Variants in SULT1B1 observed in about 807,000 individuals in gnomAD.
SULT1B1 encodes sulfotransferase 1B1.
Under a neutral mutation model 34.6 loss-of-function variants are expected in SULT1B1, and 28 were observed. The ratio of observed to expected loss-of-function variants is 0.81; its 90% CI spans 0.60 to 1.11. The LOEUF is 1.11. Among genes scored for constraint, SULT1B1 ranks in the 50% least tolerant of loss-of-function variants. The pLI is 0.00. For missense variants in SULT1B1, 374 were observed against 352.2 expected, an observed-to-expected ratio of 1.06 and a Z score of -0.50; for synonymous variants, 147 against 110.2, an observed-to-expected ratio of 1.33 and a Z score of -2.09.
At chr4:69,755,824 T>C (rs187975768) in intron 1 of SULT1B1, among the ~76,000 whole-genome samples, 163 of 152,292 alleles carry the variant, frequency 1.1e-3, no homozygotes, top group Non-Finnish European at 1.5e-3. Flanking sequence ...ATTGTGAGTT[T>C]ACGGTTTCCA....
At chr4:69,747,227 C>T (rs764979586) in intron 4 of SULT1B1, among the ~76,000 whole-genome samples, 12 of 152,306 alleles carry the variant, frequency 7.9e-5, no homozygotes, top group South Asian at 2.1e-4. Flanking sequence ...GGAGCAGTCA[C>T]GGGCAAACAC....
chr4:69,736,477 A>G (rs910596434), intron 4 of SULT1B1, among the ~76,000 whole-genome samples: 1 of 152,176 alleles, frequency 6.6e-6, no homozygotes, highest in Admixed American at 6.5e-5. Flanking sequence ...AGCAAAGAGG[A>G]CTTCGTCTTA....
intron 3 of SULT1B1, among the ~76,000 whole-genome samples, chr4:69,750,545 T>A (rs1175594572): frequency 6.6e-6 from 1 of 152,170 alleles, no homozygotes; most frequent in Non-Finnish European, 1.5e-5. Context: ...TAATCTTACA[T>A]AATCTTGCCA....
intron 4 of SULT1B1, among the ~76,000 whole-genome samples, chr4:69,743,811 C>T (rs1006506788): frequency 1.3e-4 from 20 of 152,176 alleles, no homozygotes; most frequent in Non-Finnish European, 2.8e-4. Flanking sequence ...GAGTGTGTTC[C>T]GCGAGCGGGT....
At chr4:69,742,393 G>T (rs1334949910) in intron 4 of SULT1B1, among the ~76,000 whole-genome samples, 4 of 152,202 alleles carry the variant, frequency 2.6e-5, no homozygotes, top group African/African-American at 9.6e-5. Flanking sequence ...AGAATGAGTT[G>T]TGAGGAGTCC....
intron 3 of SULT1B1, among the ~76,000 whole-genome samples, chr4:69,750,207 G>A (rs1032266943): frequency 4.6e-5 from 7 of 152,068 alleles, no homozygotes; most frequent in African/African-American, 1.7e-4. Flanking sequence ...ATGCCAAAGA[G>A]GTATCAATAA....
intron 4 of SULT1B1, among the ~76,000 whole-genome samples, chr4:69,735,315 G>A (rs1718259090): frequency 6.6e-6 from 1 of 152,062 alleles, no homozygotes; most frequent in South Asian, 2.1e-4. Context: ...AGGCATACAC[G>A]AAACAAAAAA....
chr4:69,734,003 T>C (rs1718191415), intron 5 of SULT1B1, 135 bp downstream of exon 5: 1 of 730,532 alleles, frequency 1.4e-6, no homozygotes. Flanking sequence ...GCATTAGATT[T>C]AGTTTTTTAG....
chr4:69,746,793 C>A lies in SULT1B1; in HGVS notation c.375+2928G>T, dbSNP rs562787939. 3.3e-5 allele frequency among the ~76,000 whole-genome samples: 5 copies of A among 152,314 alleles called. No homozygotes were observed. The South Asian group carries it at 1.0e-3, about 32-fold the overall frequency. ...TCTGGCTTTTAGAGTTGCCAGAATTCTTGAGCTGTTTCTTTCTCATCTGTG... is the reference window on the plus strand; with the variant it reads ...TCTGGCTTTTAGAGTTGCCAGAATTATTGAGCTGTTTCTTTCTCATCTGTG... On this transcript the variant is annotated intron_variant, in intron 4 of 7. Transcript: ENST00000310613.
intron 4 of SULT1B1, among the ~76,000 whole-genome samples, chr4:69,738,822 G>A (rs1718421839): frequency 6.6e-6 from 1 of 152,142 alleles, no homozygotes; most frequent in Non-Finnish European, 1.5e-5. Flanking sequence ...TTGAAAGTCA[G>A]TTATTACTTA....
chr4:69,758,534 A>T, intron 1 of SULT1B1: 1 of 931,514 alleles, frequency 1.1e-6, no homozygotes, highest in Non-Finnish European at 1.3e-6. Context: ...AAAATTGTCT[A>T]TTCTGAATTA....
In SULT1B1 at chr4:69,723,964, C is replaced by G. The variant is rs953780426; in HGVS notation, c.*3124G>C. 6.6e-6 allele frequency: 1 copy of G among 152,280 alleles called. No homozygotes were observed. The highest frequency in any genetic ancestry group is 2.1e-4 in the South Asian group (1 of 4,830). The allele number at this position is 152,280 out of a possible 1,614,324, so 9.4% of individuals were successfully genotyped here. ...GAAGCATTCCCTTTGAAAACTGGCA[C>G]AAGACAGGGATGCCGTCTCTCACCA... On this transcript the variant is annotated 3_prime_UTR_variant, in exon 8 of 8. Transcript: ENST00000310613.
rs756017821 is a variant in SULT1B1 at position 69,726,033 on chromosome 4, CATAT to C, written c.*1051_*1054del. 0.03 allele frequency: 871 copies of C among 28,696 alleles called. 12 individuals carry two copies. The highest frequency in any genetic ancestry group is 0.044 in the Non-Finnish European group (526 of 11,850). The allele number at this position is 28,696 out of a possible 1,614,324, so 1.8% of individuals were successfully genotyped here. A position where few individuals can be genotyped will look rare whatever the true frequency, so the allele number is the denominator to read the frequency against. On this transcript the variant is annotated 3_prime_UTR_variant, in exon 8 of 8. Transcript: ENST00000310613. ...ACTTAAAGTATAATAATAAAATGTA[CATAT>C]ATATATATATATATATATATATATA... is the stretch of plus-strand genomic sequence containing the variant.
At chr4:69,751,380 C>T (rs1718974917) in intron 3 of SULT1B1, among the ~76,000 whole-genome samples, 1 of 152,196 alleles carries the variant, frequency 6.6e-6, no homozygotes, top group African/African-American at 2.4e-5. Flanking sequence ...TTAATGAACC[C>T]TTTATATCCA....
Position 69,725,416 on chromosome 4 carries a change from T to G in SULT1B1, c.*1672A>C, listed in dbSNP as rs954820018. On this transcript the variant is annotated 3_prime_UTR_variant, in exon 8 of 8. Transcript: ENST00000310613. ...GGAGAAATAGGAACACTTTTACACT[T>G]TTGGTGGGAGTGTAAACTAGTTCAA... 7.9e-5 allele frequency: 12 copies of G among 152,144 alleles called. No individual in the cohort carries two copies. In the East Asian group the frequency reaches 1.9e-3, roughly 25 times the overall value. The allele number at this position is 152,144 out of a possible 1,614,324, so 9.4% of individuals were successfully genotyped here.
intron 6 of SULT1B1, among the ~76,000 whole-genome samples, chr4:69,732,215 A>T (rs1718106228): frequency 6.6e-6 from 1 of 152,234 alleles, no homozygotes; most frequent in South Asian, 2.1e-4. Flanking sequence ...GGACAATGAT[A>T]AGACATAGAT....
At chr4:69,732,224 A>G (rs1299043132) in intron 6 of SULT1B1, among the ~76,000 whole-genome samples, 1 of 152,182 alleles carries the variant, frequency 6.6e-6, no homozygotes, top group Non-Finnish European at 1.5e-5. Flanking sequence ...TAAGACATAG[A>G]TCACAGATTC....
chr4:69,731,649 T>A (rs990954159), intron 6 of SULT1B1, among the ~76,000 whole-genome samples: 1 of 152,228 alleles, frequency 6.6e-6, no homozygotes, highest in Non-Finnish European at 1.5e-5. Context: ...ATTATTGTTG[T>A]TGCATTAAAC....
intron 4 of SULT1B1, among the ~76,000 whole-genome samples, chr4:69,740,915 G>T (rs890131950): frequency 6.6e-6 from 1 of 151,992 alleles, no homozygotes; most frequent in South Asian, 2.1e-4. Context: ...CAACATTCTG[G>T]TTTTTGTTGC....
Sources: allele counts gnomAD v4.1 joint callset (sites outside exome capture counted in the v4.1 genomes callset), GRCh38; gene constraint gnomAD v4.1.1; transcripts MANE v1.5; gene names NCBI Gene and HGNC (gene_info 2026-07-23, HGNC 2026-07-21).